The following RGS7 variants were observed in gnomAD, a reference collection of about 807,000 sequenced individuals.
RGS7 encodes regulator of G-protein signaling 7.
Under a neutral mutation model 81.1 loss-of-function variants are expected in RGS7, and 27 were observed. That is an observed-to-expected ratio of 0.33 (90% CI 0.25 to 0.46). The LOEUF is 0.46. Among genes scored for constraint, RGS7 ranks in the 20% least tolerant of loss-of-function variants. The pLI, the probability that RGS7 is intolerant of heterozygous loss-of-function variation, is 1.00. For missense variants in RGS7, 396 were observed against 607.4 expected (o/e 0.65, Z 3.66); for synonymous variants, 208 against 207.7 (o/e 1.00, Z -0.01).
At chr1:241,231,925 C>T (rs1280096252) in intron 2 of RGS7, among the ~76,000 whole-genome samples, 1 of 152,104 alleles carries the variant, frequency 6.6e-6, no homozygotes, top group Non-Finnish European at 1.5e-5. Flanking sequence ...AAATTTTCTA[C>T]CATGTTTTCT....
rs141789525 is a variant in RGS7 at position 240,869,049 on chromosome 1, AC to A, written c.451-198del. The stretch of plus-strand genomic sequence containing the variant: ...TGGCAGTCTTAAAGGAAGCAGAAAA[AC>A]CTGTTACAAATATCGATTTTTTGAA... On this transcript the variant is annotated intron_variant, in intron 7 of 18. Coordinates refer to ENST00000440928, the MANE Select transcript of RGS7 (RefSeq NM_001364886.1). Among the ~76,000 whole-genome samples, 904 of 152,182 alleles carry A rather than the reference AC, an allele frequency of 5.9e-3. 13 individuals are homozygous for A. Among genetic ancestry groups the A allele is most frequent in the African/African-American group, 0.021 (853 of 41,520 alleles).
chr1:240,901,356 C>T (rs1002509618), intron 6 of RGS7, among the ~76,000 whole-genome samples: 9 of 152,160 alleles, frequency 5.9e-5, no homozygotes, highest in African/African-American at 2.2e-4. Context: ...AGAAATCACC[C>T]GTCTTCTGCG....
intron 5 of RGS7, among the ~76,000 whole-genome samples, chr1:240,932,737 T>C (rs1675715136): frequency 6.6e-6 from 1 of 151,182 alleles, no homozygotes; most frequent in Non-Finnish European, 1.5e-5. Context: ...CTCGATCTCC[T>C]GACCTCGTGA....
chr1:241,089,038 T>C (rs958829008), intron 3 of RGS7, among the ~76,000 whole-genome samples: 4 of 47,804 alleles, frequency 8.4e-5, no homozygotes, highest in Non-Finnish European at 1.6e-4. Context: ...TCTCTCTCTC[T>C]CTCTCTCTCT....
intron 14 of RGS7, among the ~76,000 whole-genome samples, chr1:240,807,062 G>A (rs759572592): frequency 4.6e-5 from 7 of 152,074 alleles, no homozygotes; most frequent in African/African-American, 1.7e-4. Flanking sequence ...CAGAAGCCAC[G>A]GAATAATATA....
At chr1:241,316,047 CCTACT>C (rs904087481) in intron 2 of RGS7, among the ~76,000 whole-genome samples, 1 of 152,192 alleles carries the variant, frequency 6.6e-6, no homozygotes, top group African/African-American at 2.4e-5. Flanking sequence ...CTTAGTTTCT[CCTACT>C]CTACTTTCAT....
At chr1:241,249,306 A>AT (rs201435037) in intron 2 of RGS7, among the ~76,000 whole-genome samples, 16,394 of 144,630 alleles carry the variant, frequency 0.11, 1,094 homozygotes, top group East Asian at 0.3. Context: ...AAAGGTCAAG[A>AT]TTTTTTTTTT....
intron 2 of RGS7, among the ~76,000 whole-genome samples, chr1:241,306,099 G>C (rs1250463857): frequency 2.0e-5 from 3 of 150,732 alleles, no homozygotes; most frequent in African/African-American, 7.3e-5. Context: ...GAAACCATGA[G>C]TAGCTATATT....
intron 9 of RGS7, among the ~76,000 whole-genome samples, chr1:240,829,744 C>A (rs1245412710): frequency 6.6e-6 from 1 of 152,076 alleles, no homozygotes; most frequent in East Asian, 1.9e-4. Flanking sequence ...CTGCAGTGAG[C>A]TGTGACTGAG....
chr1:241,285,416 T>A (rs569441741), intron 2 of RGS7, among the ~76,000 whole-genome samples: 1 of 152,256 alleles, frequency 6.6e-6, no homozygotes, highest in African/African-American at 2.4e-5. Context: ...ATTTGTTTTA[T>A]GCAATATATA....
At chr1:241,090,073 T>G (rs1341220255) in intron 3 of RGS7, among the ~76,000 whole-genome samples, 1 of 152,060 alleles carries the variant, frequency 6.6e-6, no homozygotes, top group African/African-American at 2.4e-5. Context: ...ATTTCGGTCT[T>G]AATCCTAAAA....
intron 3 of RGS7, among the ~76,000 whole-genome samples, chr1:241,000,677 C>T (rs959309944): frequency 5.3e-5 from 8 of 151,790 alleles, no homozygotes; most frequent in Non-Finnish European, 1.0e-4. Flanking sequence ...TACAGAGTCT[C>T]CCTCTGTCAC....
chr1:241,008,294 T>A (rs1023529695), intron 3 of RGS7, among the ~76,000 whole-genome samples: 1 of 152,224 alleles, frequency 6.6e-6, no homozygotes, highest in Non-Finnish European at 1.5e-5. Context: ...ACTCTATTTT[T>A]TCTCCTCTTA....
At chr1:240,855,648 G>A (rs867001244) in intron 9 of RGS7, among the ~76,000 whole-genome samples, 5 of 151,722 alleles carry the variant, frequency 3.3e-5, no homozygotes, top group Admixed American at 1.3e-4. Flanking sequence ...TAACCACCCC[G>A]GTAAGTTGAA....
In RGS7 at chr1:241,301,345, G is replaced by A. The variant is rs990163830; in HGVS notation, c.78+54354C>T. ...CTACATATATGTAAAAGCATCAAAC[G>A]AGTTCTCAAATTCCCTGCTTAGGTC... On this transcript the variant is annotated intron_variant, in intron 2 of 18. Coordinates refer to ENST00000440928, the MANE Select transcript of RGS7 (RefSeq NM_001364886.1). 7.9e-5 allele frequency among the ~76,000 whole-genome samples: 12 copies of A among 152,340 alleles called. No individual in the cohort carries two copies. In the Middle Eastern group the frequency reaches 0.01, roughly 130 times the overall value.
intron 3 of RGS7, among the ~76,000 whole-genome samples, chr1:240,983,435 A>G (rs1445295516): frequency 6.6e-6 from 1 of 152,220 alleles, no homozygotes; most frequent in Non-Finnish European, 1.5e-5. Flanking sequence ...AGCATCTCCT[A>G]TATTTCAGGT....
At chr1:241,129,048 T>C (rs144819816) in intron 2 of RGS7, among the ~76,000 whole-genome samples, 38 of 152,278 alleles carry the variant, frequency 2.5e-4, no homozygotes, top group African/African-American at 8.7e-4. Context: ...TAATTAAACA[T>C]AACTTTAGAT....
chr1:241,032,763 T>C (rs2148734119), intron 3 of RGS7, among the ~76,000 whole-genome samples: 1 of 152,340 alleles, frequency 6.6e-6, no homozygotes, highest in East Asian at 1.9e-4. Context: ...GATTGACTTC[T>C]TCATGGGTTC....
At chr1:241,165,802 C>T (rs1438294187) in intron 2 of RGS7, among the ~76,000 whole-genome samples, 1 of 150,330 alleles carries the variant, frequency 6.7e-6, no homozygotes, top group Non-Finnish European at 1.5e-5. Context: ...AAAAAAAAAA[C>T]CAGCCCTGAA....
Sources: gnomAD v4.1 joint callset for allele counts (sites outside exome capture counted in the v4.1 genomes callset) on GRCh38, gnomAD v4.1.1 for gene constraint, MANE v1.5 for transcripts, NCBI Gene and HGNC (gene_info 2026-07-23, HGNC 2026-07-21) for gene names.